Variants in FAT4 observed in about 807,000 individuals in gnomAD.
The protein encoded by FAT4 is FAT atypical cadherin 4, also known as protocadherin Fat 4.
A neutral mutation model predicts 303.9 loss-of-function variants in FAT4; 84 were observed. That is an observed-to-expected ratio of 0.28 (90% CI 0.23 to 0.33). FAT4 has a LOEUF of 0.33. FAT4 is among the 10% of genes least tolerant of loss of function. FAT4 has a pLI of 1.00. For synonymous variants in FAT4, 2,307 were observed against 2,298.8 expected (o/e 1.00, Z -0.10); for missense variants, 6,005 against 6,146.8 (o/e 0.98, Z 0.77).
In FAT4 at chr4:125,444,582, A is replaced by G. The variant is rs142014209; in HGVS notation, c.7200-1711A>G. ...TGGATCATTTAGTGAAACTGGACTA[A>G]AGGCCACACCATTTGCCTATCAACA... On this transcript the variant is annotated intron_variant, in intron 8 of 17. Transcript: ENST00000394329. Among the ~76,000 whole-genome samples, 311 of 152,254 alleles carry G rather than the reference A, an allele frequency of 2.0e-3. 2 individuals are homozygous for G. The highest frequency in any genetic ancestry group is 6.8e-3 in the African/African-American group (283 of 41,566).
rs1288676987 is a variant in FAT4, at chr4:125,315,006, T to C, written c.-984T>C. The stretch of plus-strand genomic sequence containing the variant: ...GTCGAGCAAAGTTTCTGAGTGCTGC[T>C]CCAGCTCGCGGTCTTCCCTCCCCCT... On this transcript the variant is annotated 5_prime_UTR_variant, in exon 1 of 18. Transcript: ENST00000394329. 1.3e-5 allele frequency among the ~76,000 whole-genome samples: 2 copies of C among 152,020 alleles called. No homozygotes were observed. Among genetic ancestry groups the C allele is most frequent in the Admixed American group, 1.3e-4 (2 of 15,244 alleles).
At chr4:125,384,844 T>C (rs1249305112) in intron 2 of FAT4, among the ~76,000 whole-genome samples, 1 of 151,896 alleles carries the variant, frequency 6.6e-6, no homozygotes, top group African/African-American at 2.4e-5. Context: ...TAGTAAGATA[T>C]CAATGAATGT....
At chr4:125,429,943 A>G (rs1421675299) in intron 7 of FAT4, among the ~76,000 whole-genome samples, 5 of 152,130 alleles carry the variant, frequency 3.3e-5, no homozygotes, top group Admixed American at 3.3e-4. Context: ...GGTGGGAAAC[A>G]GTAATACTCC....
chr4:125,454,017 G>A (rs1486873725), intron 10 of FAT4, among the ~76,000 whole-genome samples: 1 of 152,120 alleles, frequency 6.6e-6, no homozygotes, highest in African/African-American at 2.4e-5. Context: ...TGATAAGTTC[G>A]AGGAGAGCAA....
rs564549595 is a variant in FAT4, at chr4:125,379,605, TC to T, written c.5176-19178del. On this transcript the variant is annotated intron_variant, in intron 2 of 17. Transcript: ENST00000394329. ...CTACCCAGTAGCTGGGATTACAGGCTCATGCCACCATGTCCAGCTAATTTTT... is the reference window on the plus strand; with the variant it reads ...CTACCCAGTAGCTGGGATTACAGGCTATGCCACCATGTCCAGCTAATTTTT... Among the ~76,000 whole-genome samples, 6 of 151,592 alleles carry T rather than the reference TC, an allele frequency of 4.0e-5. No homozygotes were observed. In the East Asian group the frequency reaches 1.2e-3, roughly 30 times the overall value.
chr4:125,449,576 G>GT lies in FAT4; in HGVS notation c.8567dup (p.Ser2857LysfsTer13). 1 of 1,613,646 alleles carries GT rather than the reference G, an allele frequency of 6.2e-7. No homozygotes were observed. Among genetic ancestry groups the GT allele is most frequent in the Non-Finnish European group, 8.5e-7 (1 of 1,179,710 alleles). ...TTCCGCACATGATTCTGGGTGGACT[G>GT]TAAGTACAGATGTCACAATATTTGT... On this transcript the variant is annotated frameshift_variant, in exon 10 of 18. Transcript: ENST00000394329. LOFTEE classifies it high-confidence loss of function.
At chr4:125,389,524 G>A (rs779990006) in intron 2 of FAT4, among the ~76,000 whole-genome samples, 13 of 152,196 alleles carry the variant, frequency 8.5e-5, no homozygotes, top group Admixed American at 3.9e-4. Context: ...TGAAACTTAA[G>A]TAGAGTTTGG....
chr4:125,336,236 C>T (rs143533026), intron 2 of FAT4, among the ~76,000 whole-genome samples: 140 of 152,012 alleles, frequency 9.2e-4, no homozygotes, highest in Middle Eastern at 6.8e-3. Flanking sequence ...ACTAGTGAGC[C>T]GCAAGACATA....
intron 5 of FAT4, among the ~76,000 whole-genome samples, chr4:125,412,389 A>G (rs1183049344): frequency 6.6e-6 from 1 of 151,894 alleles, no homozygotes; most frequent in Non-Finnish European, 1.5e-5. Flanking sequence ...ATTTTATGTA[A>G]AAATAGTTAT....
intron 8 of FAT4, among the ~76,000 whole-genome samples, chr4:125,445,243 A>G (rs1186041321): frequency 1.3e-5 from 2 of 152,126 alleles, no homozygotes; most frequent in Non-Finnish European, 2.9e-5. Context: ...TCAACAGTTG[A>G]TTATTTCACT....
At chr4:125,477,750 C>T (rs1384389809) in intron 14 of FAT4, among the ~76,000 whole-genome samples, 1 of 152,026 alleles carries the variant, frequency 6.6e-6, no homozygotes, top group Non-Finnish European at 1.5e-5. Flanking sequence ...TTCCTAAAAA[C>T]TTGATACAGC....
At position 125,352,921 on chromosome 4, in the gene FAT4, G is replaced by A. The variant is rs187804511; in HGVS notation, c.5175+31335G>A. Among the ~76,000 whole-genome samples the A allele has an allele frequency of 1.4e-3, 210 of 151,860 alleles. 1 individual carries two copies. The highest frequency in any genetic ancestry group is 2.2e-3 in the Non-Finnish European group (147 of 67,788). ...TAAAAAAATGATTTATTTCCATATT[G>A]CTGTTTCCTCAGCAGAATGCCTTGG... On this transcript the variant is annotated intron_variant, in intron 2 of 17. Coordinates refer to ENST00000394329, the MANE Select transcript of FAT4 (RefSeq NM_001291303.3).
chr4:125,394,065 A>T, intron 2 of FAT4: 1 of 759,340 alleles, frequency 1.3e-6, no homozygotes, highest in Non-Finnish European at 2.5e-6. Flanking sequence ...GAAACCACAC[A>T]CATTTTTAAA....
At chr4:125,461,990 T>C (rs1383470816) in intron 10 of FAT4, among the ~76,000 whole-genome samples, 1 of 152,012 alleles carries the variant, frequency 6.6e-6, no homozygotes, top group Non-Finnish European at 1.5e-5. Flanking sequence ...TCTGTGCCCA[T>C]AAATTTGTAA....
chr4:125,466,860 A>G (rs925452877), intron 11 of FAT4, among the ~76,000 whole-genome samples: 6 of 150,150 alleles, frequency 4.0e-5, no homozygotes, highest in African/African-American at 1.5e-4. Context: ...CTGCAAGCTC[A>G]GCCTCCCAGG....
intron 2 of FAT4, among the ~76,000 whole-genome samples, chr4:125,340,449 T>A (rs1166473087): frequency 6.6e-6 from 1 of 151,994 alleles, no homozygotes; most frequent in Non-Finnish European, 1.5e-5. Context: ...AGTGGCGTGA[T>A]CTCGGCTAGC....
At chr4:125,441,508 A>G (rs1161668998) in intron 8 of FAT4, among the ~76,000 whole-genome samples, 3 of 152,202 alleles carry the variant, frequency 2.0e-5, no homozygotes, top group African/African-American at 7.2e-5. Context: ...GAGAGAAACA[A>G]TGGAAATGTT....
At position 125,491,526 on chromosome 4, in the gene FAT4, C is replaced by T. The variant is rs1266415647; in HGVS notation, c.14710C>T (p.Pro4904Ser). The change falls in exon 18 of 18, where the codon CCT becomes TCT. Residue 4904 changes from proline to serine, a missense_variant. Physicochemically the swap from Pro to Ser is moderately conservative, Grantham distance 74 (BLOSUM62 -1). Coordinates refer to ENST00000394329, the MANE Select transcript of FAT4 (RefSeq NM_001291303.3). Reference protein sequence around the residue: ...RYHGRRAEGGPVGTQAAAPGT... With the variant: ...RYHGRRAEGGSVGTQAAAPGT... ...CCACGGTCGCAGGGCCGAGGGAGGA[C>T]CTGTGGGCACCCAGGCAGCAGCACC... The T allele has an allele frequency of 1.9e-6, 3 of 1,614,172 alleles. No homozygotes were observed. Among genetic ancestry groups the T allele is most frequent in the Non-Finnish European group, 8.5e-7 (1 of 1,180,030 alleles).
rs2126099323 is a variant in FAT4 at position 125,492,004 on chromosome 4, T to C, written c.*236T>C. 1 of 489,410 alleles carries C rather than the reference T, an allele frequency of 2.0e-6. No homozygotes were observed. Among genetic ancestry groups the C allele is most frequent in the East Asian group, 3.4e-5 (1 of 29,438 alleles). The allele number at this position is 489,410 out of a possible 1,614,324, so 30.3% of individuals were successfully genotyped here. On this transcript the variant is annotated 3_prime_UTR_variant, in exon 18 of 18. Transcript: ENST00000394329. ...ATGCATTGTGTTTTGTAACTAGTTA[T>C]GTGGCATGCAGCATTTGGAAAATTT...
Sources: gnomAD v4.1 joint callset for allele counts (sites outside exome capture counted in the v4.1 genomes callset) on GRCh38, gnomAD v4.1.1 for gene constraint, MANE v1.5 for transcripts, NCBI Gene and HGNC (gene_info 2026-07-23, HGNC 2026-07-21) for gene names.